P2RY14: variants seen among roughly 807,000 people sequenced by gnomAD.
P2RY14 encodes the protein P2Y purinoceptor 14.
In P2RY14, 2 loss-of-function variants were observed where a neutral mutation model predicts 0.9. The observed-to-expected ratio is 2.16, with a 90% confidence interval of 0.88 to 6.79. The LOEUF is 6.79. Ranked by LOEUF, P2RY14 falls within the 30% of genes most tolerant of loss-of-function variation. P2RY14 has a pLI of 0.05. For synonymous variants in P2RY14, 158 were observed against 147.2 expected (o/e 1.07, Z -0.53); for missense variants, 378 against 400.1 (o/e 0.94, Z 0.47).
chr3:151,222,993 G>A (rs902144281), intron 1 of P2RY14, among the ~76,000 whole-genome samples: 2 of 152,020 alleles, frequency 1.3e-5, no homozygotes, highest in African/African-American at 2.4e-5. Context: ...GAGAGGTGGC[G>A]ATTGTGATCA....
rs575286317 is a variant in P2RY14 at position 151,221,262 on chromosome 3, C to G, written c.-132-1620G>C. ...ATTCAGTTTTATAAGGGAAGCAGAG[C>G]TTAAAAGTTCAGAAAATTTGCAGCC... On this transcript the variant is annotated intron_variant, in intron 1 of 2. Transcript: ENST00000309170. 2.6e-5 allele frequency among the ~76,000 whole-genome samples: 4 copies of G among 152,258 alleles called. No homozygotes were observed. In the South Asian group the frequency reaches 8.3e-4, roughly 32 times the overall value.
chr3:151,266,355 C>T (rs529672115), intron 1 of P2RY14, among the ~76,000 whole-genome samples: 1 of 152,314 alleles, frequency 6.6e-6, no homozygotes, highest in South Asian at 2.1e-4. Context: ...GTCTGGAAAT[C>T]TCAAACAGAA....
At chr3:151,214,746 T>C (rs1276117544) in intron 2 of P2RY14, among the ~76,000 whole-genome samples, 1 of 152,150 alleles carries the variant, frequency 6.6e-6, no homozygotes, top group African/African-American at 2.4e-5. Flanking sequence ...AGCATGCCCC[T>C]AAAATAATAA....
At position 151,230,457 on chromosome 3, in the gene P2RY14, TA is replaced by T. The variant is rs759436184; in HGVS notation, c.-132-10816del. ...TTGCCTCAGGTATAATACCTGTATG[TA>T]AAAAAATTCTGATAAACACTCCTTT... is the stretch of plus-strand genomic sequence containing the variant. On this transcript the variant is annotated intron_variant, in intron 1 of 2. Coordinates refer to ENST00000309170, the MANE Select transcript of P2RY14 (RefSeq NM_014879.4). Among the ~76,000 whole-genome samples the T allele has an allele frequency of 7.9e-5, 12 of 152,276 alleles. No individual in the cohort carries two copies. In the East Asian group the frequency reaches 1.7e-3, roughly 22 times the overall value.
intron 1 of P2RY14, among the ~76,000 whole-genome samples, chr3:151,270,612 T>G (rs1740767454): frequency 6.6e-6 from 1 of 152,154 alleles, no homozygotes; most frequent in Non-Finnish European, 1.5e-5. Context: ...ATCTGTCTAC[T>G]TTCTCTTGTT....
chr3:151,252,762 A>G (rs995747519), intron 1 of P2RY14, among the ~76,000 whole-genome samples: 2 of 152,134 alleles, frequency 1.3e-5, no homozygotes, highest in Non-Finnish European at 2.9e-5. Context: ...GTTCATATGT[A>G]ATCTACTAAC....
At chr3:151,246,508 C>G (rs1362127620) in intron 1 of P2RY14, among the ~76,000 whole-genome samples, 2 of 152,048 alleles carry the variant, frequency 1.3e-5, no homozygotes, top group African/African-American at 2.4e-5. Flanking sequence ...CTGAGAAAAA[C>G]AAGCAATGGG....
At chr3:151,264,303 T>A (rs544283740) in intron 1 of P2RY14, among the ~76,000 whole-genome samples, 7 of 152,250 alleles carry the variant, frequency 4.6e-5, no homozygotes, top group Non-Finnish European at 4.4e-5. Context: ...AAAAAGAGTT[T>A]GTGCTCACTT....
intron 1 of P2RY14, among the ~76,000 whole-genome samples, chr3:151,235,411 A>G (rs1332584723): frequency 6.6e-6 from 1 of 152,192 alleles, no homozygotes; most frequent in Non-Finnish European, 1.5e-5. Context: ...GAAAAGATCT[A>G]AAAGCAACTC....
intron 1 of P2RY14, among the ~76,000 whole-genome samples, chr3:151,247,627 G>A (rs1735892708): frequency 2.3e-5 from 3 of 131,814 alleles, no homozygotes; most frequent in African/African-American, 8.3e-5. Context: ...TCGGGGAGGG[G>A]GGAGGGATAG....
At chr3:151,216,324 T>C (rs1728210300) in intron 2 of P2RY14, among the ~76,000 whole-genome samples, 1 of 152,158 alleles carries the variant, frequency 6.6e-6, no homozygotes, top group African/African-American at 2.4e-5. Context: ...AGAATGCATC[T>C]TTTTCATCTG....
intron 1 of P2RY14, among the ~76,000 whole-genome samples, chr3:151,277,525 G>A (rs921022136): frequency 2.0e-5 from 3 of 152,016 alleles, no homozygotes; most frequent in African/African-American, 7.2e-5. Flanking sequence ...TTTCTCCGTA[G>A]GATTGATTGT....
intron 1 of P2RY14, among the ~76,000 whole-genome samples, chr3:151,242,063 G>A (rs1267045743): frequency 5.3e-5 from 8 of 152,172 alleles, no homozygotes; most frequent in African/African-American, 4.8e-5. Context: ...GCGCTTTTCC[G>A]ACGGGCTTAA....
In P2RY14 at chr3:151,213,245, G is replaced by T; in HGVS notation, c.*55C>A. 1 of 1,308,646 alleles carries T rather than the reference G, an allele frequency of 7.6e-7. No homozygotes were observed. The highest frequency in any genetic ancestry group is 1.1e-6 in the Non-Finnish European group (1 of 942,534). 81.1% of individuals were successfully genotyped at this position (1,308,646 alleles called of 1,614,324 possible). A position where few individuals can be genotyped will look rare whatever the true frequency, so the allele number is the denominator to read the frequency against. On this transcript the variant is annotated 3_prime_UTR_variant, in exon 3 of 3. Transcript: ENST00000309170. ...CACATATCTTATTGATTTCTGTTATGTAATTGAAGATGACAACATGCACAC... is the reference window on the plus strand; with the variant it reads ...CACATATCTTATTGATTTCTGTTATTTAATTGAAGATGACAACATGCACAC...
rs775411484 is a variant in P2RY14, at chr3:151,213,859, G to A, written c.458C>T (p.Ala153Val). The A allele has an allele frequency of 7.4e-6, 12 of 1,613,892 alleles. No homozygotes were observed. Among genetic ancestry groups the A allele is most frequent in the Admixed American group, 5.0e-5 (3 of 59,998 alleles). ...VIVWMLMLLL[A>V]VPNIILTNQS... is the part of the protein sequence containing the mutation. The stretch of plus-strand genomic sequence containing the variant: ...GTTGGTGAGAATAATATTTGGAACA[G>A]CAAGGAGGAGCATGAGCATCCATAC... The change falls in exon 3 of 3, where the codon GCT (alanine) becomes GTT (valine). Residue 153 changes from alanine to valine, a missense_variant. Physicochemically the swap from Ala to Val is moderately conservative, Grantham distance 64. Transcript: ENST00000309170.
At chr3:151,263,465 A>G (rs1739273914) in intron 1 of P2RY14, among the ~76,000 whole-genome samples, 1 of 152,192 alleles carries the variant, frequency 6.6e-6, no homozygotes. Context: ...TTTAAATAAC[A>G]TTTGTTTGTA....
chr3:151,216,382 G>T (rs1728222557), intron 2 of P2RY14, among the ~76,000 whole-genome samples: 1 of 152,160 alleles, frequency 6.6e-6, no homozygotes, highest in South Asian at 2.1e-4. Flanking sequence ...GACAAGTTAG[G>T]TTGATACATT....
At chr3:151,233,773 G>A (rs900859308) in intron 1 of P2RY14, among the ~76,000 whole-genome samples, 5 of 152,166 alleles carry the variant, frequency 3.3e-5, no homozygotes, top group African/African-American at 9.7e-5. Flanking sequence ...ACTTGAGAGC[G>A]AGAGTCCCAC....
chr3:151,232,208 C>T (rs1405281480), intron 1 of P2RY14, among the ~76,000 whole-genome samples: 1 of 152,120 alleles, frequency 6.6e-6, no homozygotes, highest in Non-Finnish European at 1.5e-5. Context: ...CTATATACTC[C>T]TCTATGCCAA....
Sources: gnomAD v4.1 joint callset for allele counts (sites outside exome capture counted in the v4.1 genomes callset) on GRCh38, gnomAD v4.1.1 for gene constraint, MANE v1.5 for transcripts, NCBI Gene and HGNC (gene_info 2026-07-23, HGNC 2026-07-21) for gene names.